The following GINS3 variants were observed in gnomAD, a reference collection of about 807,000 sequenced individuals.
GINS3 encodes DNA replication complex GINS protein PSF3.
In GINS3, 18 loss-of-function variants were observed where a neutral mutation model predicts 20.0. The ratio of observed to expected loss-of-function variants is 0.90; its 90% CI spans 0.62 to 1.33. The LOEUF (loss-of-function observed/expected upper bound fraction) is 1.33, where lower values mean the gene tolerates loss of function less well. Ranked by LOEUF, GINS3 falls within the 40% of genes most tolerant of loss-of-function variation. GINS3 has a pLI of 0.00. For synonymous variants in GINS3, 109 were observed against 107.0 expected (o/e 1.02, Z -0.12); for missense variants, 254 against 273.6 (o/e 0.93, Z 0.51).
chr16:58,401,943 T>C (rs1437875531), intron 1 of GINS3, among the ~76,000 whole-genome samples: 3 of 152,252 alleles, frequency 2.0e-5, no homozygotes, highest in African/African-American at 7.2e-5. Context: ...TTTTTAATTT[T>C]GGATAATATA....
rs560488941 is a variant in GINS3 at position 58,395,992 on chromosome 16, G to A, written c.186+3205G>A. ...CCCCCACCTCCCTCCCGGACAGGGC[G>A]GCTGGCTGGGCAGAGGGGCTCCTCA... On this transcript the variant is annotated intron_variant, in intron 1 of 2. Coordinates refer to ENST00000318129, the MANE Select transcript of GINS3 (RefSeq NM_022770.4). 8.1e-5 allele frequency among the ~76,000 whole-genome samples: 12 copies of A among 147,324 alleles called. No individual in the cohort carries two copies. The East Asian group carries it at 1.0e-3, about 13-fold the overall frequency.
At chr16:58,396,753 G>A (rs1356591335) in intron 1 of GINS3, among the ~76,000 whole-genome samples, 3 of 136,216 alleles carry the variant, frequency 2.2e-5, no homozygotes, top group Non-Finnish European at 4.8e-5. Flanking sequence ...GCGGCTGGCC[G>A]GGCGGGGGGC....
chr16:58,398,032 T>C (rs1965906935), intron 1 of GINS3, among the ~76,000 whole-genome samples: 2 of 152,166 alleles, frequency 1.3e-5, no homozygotes, highest in South Asian at 4.1e-4. Context: ...TTAAAAGAAC[T>C]AACTTAGGAC....
Position 58,392,610 on chromosome 16 carries a change from G to A in GINS3, c.9G>A (p.Glu3=), listed in dbSNP as rs1965793484. 6.2e-7 allele frequency: 1 copy of A among 1,614,134 alleles called. No individual in the cohort carries two copies. Among genetic ancestry groups the A allele is most frequent in the Non-Finnish European group, 8.5e-7 (1 of 1,179,950 alleles). Reference sequence around the variant, plus strand: ...AAGCTCAAGTGGCCGCCATGTCAGAGGCTTATTTCCGAGTGGAGTCGGGTG... The same window carrying A: ...AAGCTCAAGTGGCCGCCATGTCAGAAGCTTATTTCCGAGTGGAGTCGGGTG... MS[E]AYFRVESGAL... The change falls in exon 1 of 3, where the codon GAG becomes GAA. Residue 3 remains glutamate (E), a synonymous_variant. Coordinates refer to ENST00000318129, the MANE Select transcript of GINS3 (RefSeq NM_022770.4).
At chr16:58,395,332 TA>T (rs1294894205) in intron 1 of GINS3, 92 of 196,728 alleles carry the variant, frequency 4.7e-4, no homozygotes, top group Non-Finnish European at 5.7e-4. Context: ...TATATATATA[TA>T]TATATTTTTT....
chr16:58,395,272 CTTTTT>C (rs111843649), intron 1 of GINS3: 2 of 229,726 alleles, frequency 8.7e-6, no homozygotes, highest in African/African-American at 3.5e-5. Context: ...TCTAAATTTT[CTTTTT>C]TTTTTTTTTC....
intron 1 of GINS3, among the ~76,000 whole-genome samples, chr16:58,401,058 G>C (rs1191870234): frequency 1.3e-5 from 2 of 151,930 alleles, no homozygotes; most frequent in Non-Finnish European, 2.9e-5. Context: ...CATGTGATTT[G>C]CCCGCCTTGG....
intron 2 of GINS3, 29 bp downstream of exon 2, chr16:58,403,360 G>C: frequency 6.4e-7 from 1 of 1,561,386 alleles, no homozygotes. Context: ...AACCTGTGGT[G>C]CTGCACTTGT....
chr16:58,404,629 A>G lies in GINS3; in HGVS notation c.551A>G (p.Asn184Ser). The change falls in exon 3 of 3, where the codon AAT (asparagine) becomes AGT (serine). Residue 184 changes from asparagine (N) to serine (S), a missense_variant. Asn to Ser is a conservative substitution (Grantham distance 46). Transcript: ENST00000318129. ...TTTCAAACAGGGCAGAAAGGACTGA[A>G]TGACTTTCAGTGTTGGGAGAAGGGG... is the stretch of plus-strand genomic sequence containing the variant. The part of the protein sequence containing the change: ...GLFQTGQKGL[N>S]DFQCWEKGQA... 6.2e-7 allele frequency: 1 copy of G among 1,614,196 alleles called. No homozygotes were observed. The highest frequency in any genetic ancestry group is 8.5e-7 in the Non-Finnish European group (1 of 1,180,026).
chr16:58,393,414 T>C (rs951230113), intron 1 of GINS3: 1 of 152,230 alleles, frequency 6.6e-6, no homozygotes, highest in African/African-American at 2.4e-5. Flanking sequence ...AAATATAAAA[T>C]TGTCCCAGGA....
intron 1 of GINS3, among the ~76,000 whole-genome samples, chr16:58,399,733 A>G (rs1490444854): frequency 6.6e-6 from 1 of 151,828 alleles, no homozygotes; most frequent in Non-Finnish European, 1.5e-5. Context: ...TTATTTTATT[A>G]TTCATTTACC....
At chr16:58,395,230 C>T (rs1965834888) in intron 1 of GINS3, 1 of 397,136 alleles carries the variant, frequency 2.5e-6, no homozygotes, top group East Asian at 3.6e-5. Context: ...TACATGCCAC[C>T]ATGTCCAGCT....
At chr16:58,394,940 C>T (rs1030471132) in intron 1 of GINS3, among the ~76,000 whole-genome samples, 3 of 152,124 alleles carry the variant, frequency 2.0e-5, no homozygotes, top group African/African-American at 7.2e-5. Flanking sequence ...TCTTTAGAAT[C>T]CTTCTGCATG....
At chr16:58,403,004 C>G in intron 1 of GINS3, 94 bp from the exon 2 acceptor site, 1 of 954,882 alleles carries the variant, frequency 1.0e-6, no homozygotes, top group Non-Finnish European at 1.6e-6. Context: ...AGAGAAAAGG[C>G]AGTATTGCGC....
chr16:58,392,905 C>T, intron 1 of GINS3, 118 bp downstream of exon 1: 1 of 1,138,008 alleles, frequency 8.8e-7, no homozygotes, highest in Non-Finnish European at 1.2e-6. Context: ...TTCGAGGAGC[C>T]AGGGCCGAAG....
intron 1 of GINS3, among the ~76,000 whole-genome samples, chr16:58,394,869 TCA>T (rs1205091191): frequency 1.3e-5 from 2 of 152,190 alleles, no homozygotes; most frequent in Non-Finnish European, 2.9e-5. Context: ...ATTATCACTG[TCA>T]CACTGAAGGA....
Position 58,392,720 on chromosome 16 carries a change from T to A in GINS3, c.119T>A (p.Met40Lys), listed in dbSNP as rs1965798291. 1 of 1,614,060 alleles carries A rather than the reference T, an allele frequency of 6.2e-7. No individual in the cohort carries two copies. Among genetic ancestry groups the A allele is most frequent in the Admixed American group, 1.7e-5 (1 of 60,008 alleles). ...EKLPVRTETA[M>K]PRLGAFFLER... ...CTGCCGGTGCGCACGGAGACCGCCATGCCTCGCCTTGGCGCTTTCTTCCTG... is the reference window on the plus strand; with the variant it reads ...CTGCCGGTGCGCACGGAGACCGCCAAGCCTCGCCTTGGCGCTTTCTTCCTG... The change falls in exon 1 of 3, where the codon ATG becomes AAG. Residue 40 changes from methionine (M) to lysine (K), a missense_variant. By Grantham distance (95) the Met-to-Lys change is moderately conservative. Transcript: ENST00000318129.
intron 1 of GINS3, among the ~76,000 whole-genome samples, chr16:58,396,963 G>T (rs1259091977): frequency 1.3e-5 from 2 of 149,182 alleles, no homozygotes; most frequent in Non-Finnish European, 3.0e-5. Flanking sequence ...AGTAGGGGTG[G>T]CCGGGCAGAG....
At chr16:58,400,917 C>G (rs1169016599) in intron 1 of GINS3, among the ~76,000 whole-genome samples, 1 of 151,050 alleles carries the variant, frequency 6.6e-6, no homozygotes, top group Non-Finnish European at 1.5e-5. Flanking sequence ...TGTGTTCAAG[C>G]GAGTCTTCTG....
Sources: gnomAD v4.1 joint callset for allele counts (sites outside exome capture counted in the v4.1 genomes callset) on GRCh38, gnomAD v4.1.1 for gene constraint, MANE v1.5 for transcripts, NCBI Gene and HGNC (gene_info 2026-07-23, HGNC 2026-07-21) for gene names.